Variants in DNAI2 observed in about 807,000 individuals in gnomAD.
The protein encoded by DNAI2 is dynein axonemal intermediate chain 2.
DNAI2 carries 63 observed loss-of-function variants against 74.7 expected under a neutral mutation model. The observed-to-expected ratio is 0.84, with a 90% CI of 0.69 to 1.04. The LOEUF (loss-of-function observed/expected upper bound fraction) is 1.04. Ranked by LOEUF, DNAI2 falls within the 50% of genes least tolerant of loss-of-function variation. The pLI, the probability that DNAI2 is intolerant of heterozygous loss-of-function variation, is 0.00. For synonymous variants in DNAI2, 289 were observed against 314.9 expected (o/e 0.92, Z 0.87); for missense variants, 688 against 803.2 (o/e 0.86, Z 1.73).
At chr17:74,309,109 C>G in intron 9 of DNAI2, 144 bp from the exon 10 acceptor site, 1 of 823,714 alleles carries the variant, frequency 1.2e-6, no homozygotes, top group Admixed American at 2.1e-5. Flanking sequence ...TGAGTGAGGT[C>G]AGCACAGCTA....
At chr17:74,310,749 G>A (rs1191583180) in intron 11 of DNAI2, among the ~76,000 whole-genome samples, 1 of 152,082 alleles carries the variant, frequency 6.6e-6, no homozygotes, top group Admixed American at 6.5e-5. Context: ...ATACTGGCCA[G>A]GCTGGTCTTG....
intron 12 of DNAI2, 49 bp from the exon 13 acceptor site, chr17:74,314,072 G>A: frequency 6.2e-7 from 1 of 1,612,980 alleles, no homozygotes; most frequent in South Asian, 1.1e-5. Context: ...GAGTGGGGAA[G>A]GCCTGTCCCC....
At chr17:74,284,955 C>A (rs945908620) in intron 2 of DNAI2, 85 bp from the exon 3 acceptor site, 1 of 1,580,816 alleles carries the variant, frequency 6.3e-7, no homozygotes, top group African/African-American at 1.3e-5. Context: ...CCCTGGGAGC[C>A]CCCGTGGGAC....
At chr17:74,312,918 T>C (rs1389724988) in intron 12 of DNAI2, among the ~76,000 whole-genome samples, 1 of 152,030 alleles carries the variant, frequency 6.6e-6, no homozygotes, top group East Asian at 1.9e-4. Flanking sequence ...TGCCAAGATA[T>C]GAAAGAGCCA....
intron 3 of DNAI2, among the ~76,000 whole-genome samples, chr17:74,286,115 G>C (rs950479927): frequency 1.3e-5 from 2 of 151,520 alleles, no homozygotes; most frequent in Non-Finnish European, 2.9e-5. Context: ...GGCCAACATA[G>C]CAAAACCCCA....
rs1598293824 is a variant in DNAI2 at position 74,291,209 on chromosome 17, G to A, written c.724+76G>A. The A allele has an allele frequency of 1.1e-5, 14 of 1,248,792 alleles. No homozygotes were observed. The East Asian group carries it at 3.0e-4, about 26-fold the overall frequency. 77.4% of individuals were successfully genotyped at this position (1,248,792 alleles called of 1,614,324 possible). A position where few individuals can be genotyped will look rare whatever the true frequency, so the allele number is the denominator to read the frequency against. On this transcript the variant is annotated intron_variant, in intron 6 of 13. Transcript: ENST00000311014. ...GAATTTTGCTCTTGTTTCCCAGGCT[G>A]GAGTGTAGTGGTGCAATTTTGGCTC...
rs2052733684 is a variant in DNAI2 at position 74,301,066 on chromosome 17, A to G, written c.885A>G (p.Arg295=). 1 of 1,613,910 alleles carries G rather than the reference A, an allele frequency of 6.2e-7. No individual in the cohort carries two copies. Among genetic ancestry groups the G allele is most frequent in the African/African-American group, 1.3e-5 (1 of 74,926 alleles). The change falls in exon 8 of 14, where the codon CGA becomes CGG. Residue 295 remains arginine (R), a synonymous_variant. Transcript: ENST00000311014. ...ACCAGGTCATGTGGTGGGACATCCG[A>G]AAGATGAGCGAGCCCACTGAAGTTG... The part of the protein sequence containing the change: ...TDGQVMWWDI[R]KMSEPTEVVI...
At chr17:74,282,457 C>T (rs1490074544) in intron 2 of DNAI2, among the ~76,000 whole-genome samples, 4 of 152,160 alleles carry the variant, frequency 2.6e-5, no homozygotes, top group African/African-American at 9.7e-5. Context: ...TGCACCACCA[C>T]GCCTGGCTAA....
chr17:74,285,273 C>T lies in DNAI2; in HGVS notation c.345+72C>T, dbSNP rs1040056917. 8.4e-6 allele frequency: 13 copies of T among 1,555,632 alleles called. No individual in the cohort carries two copies. In the African/African-American group the frequency reaches 1.5e-4, roughly 18 times the overall value. On this transcript the variant is annotated intron_variant, in intron 3 of 13. Transcript: ENST00000311014. ...CAGCTCCCCAAGGGATGCACTGCCC[C>T]AGCTGTGCCTGGCCATCGCTGTGAG... is the stretch of plus-strand genomic sequence containing the variant.
At chr17:74,285,419 C>T (rs1443430500) in intron 3 of DNAI2, among the ~76,000 whole-genome samples, 3 of 152,030 alleles carry the variant, frequency 2.0e-5, no homozygotes, top group Non-Finnish European at 2.9e-5. Context: ...AAGGGCTGAC[C>T]AGGCATCAGG....
At position 74,281,893 on chromosome 17, in the gene DNAI2, G is replaced by A. The variant is rs1004416796; in HGVS notation, c.76G>A (p.Glu26Lys). Residue 26 changes from glutamate to lysine, a missense_variant, in exon 2 of 14, where the codon GAG becomes AAG. By Grantham distance (56) the Glu-to-Lys change is moderately conservative. Coordinates refer to ENST00000311014, the MANE Select transcript of DNAI2 (RefSeq NM_023036.6). ...GTGCAATTTCTCGGACCGCCAGGCC[G>A]AGCTGAACATCGACATCATGCCCAA... ...KQCNFSDRQA[E>K]LNIDIMPNPE... is the part of the protein sequence containing the mutation. The A allele has an allele frequency of 3.1e-6, 5 of 1,614,156 alleles. No homozygotes were observed. The highest frequency in any genetic ancestry group is 4.2e-6 in the Non-Finnish European group (5 of 1,180,036).
At chr17:74,292,515 C>T (rs1205283336) in intron 6 of DNAI2, among the ~76,000 whole-genome samples, 6 of 150,440 alleles carry the variant, frequency 4.0e-5, no homozygotes, top group Non-Finnish European at 7.4e-5. Flanking sequence ...CTCCTGGGCC[C>T]GAGCAATTCT....
intron 12 of DNAI2, 76 bp from the exon 13 acceptor site, chr17:74,314,045 G>A: frequency 5.0e-6 from 8 of 1,608,438 alleles, no homozygotes; most frequent in Non-Finnish European, 6.8e-6. Context: ...GGTCCTCGTG[G>A]GGTTCACATC....
chr17:74,310,063 G>A lies in DNAI2; in HGVS notation c.1394G>A (p.Cys465Tyr), dbSNP rs2053424656. 1.2e-6 allele frequency: 2 copies of A among 1,613,974 alleles called. No homozygotes were observed. Among genetic ancestry groups the A allele is most frequent in the African/African-American group, 1.3e-5 (1 of 75,066 alleles). ...TGCCTCCGGGTGCAGGACAATGGGT[G>A]TCTCATCGCCTGCGGCTCCCAGCTG... ...LFCLRVQDNG[C>Y]LIACGSQLGT... Residue 465 changes from cysteine (C) to tyrosine (Y), a missense_variant, in exon 11 of 14, where the codon TGT (cysteine) becomes TAT (tyrosine). Physicochemically the swap from Cys to Tyr is radical, Grantham distance 194. Coordinates refer to ENST00000311014, the MANE Select transcript of DNAI2 (RefSeq NM_023036.6).
chr17:74,280,655 G>T lies in DNAI2; in HGVS notation c.-11-1152G>T, dbSNP rs901265282. 2.6e-5 allele frequency among the ~76,000 whole-genome samples: 4 copies of T among 152,306 alleles called. No individual in the cohort carries two copies. In the East Asian group the frequency reaches 7.7e-4, roughly 29 times the overall value. Reference sequence around the variant, plus strand: ...TGGGGAGTTGGGTCATTGGGTTGGAGAGGAGGGGTTCAAGAAGAGGCCCAG... The same window carrying T: ...TGGGGAGTTGGGTCATTGGGTTGGATAGGAGGGGTTCAAGAAGAGGCCCAG... On this transcript the variant is annotated intron_variant, in intron 1 of 13. Transcript: ENST00000311014.
chr17:74,298,761 C>A (rs12948999), intron 6 of DNAI2, among the ~76,000 whole-genome samples: 50,753 of 151,716 alleles, frequency 0.33, 9,124 homozygotes, highest in Non-Finnish European at 0.43. Context: ...AACAGCCTCC[C>A]GAGTAGCATG....
intron 3 of DNAI2, among the ~76,000 whole-genome samples, chr17:74,286,155 G>A (rs1042395577): frequency 5.3e-5 from 8 of 151,420 alleles, no homozygotes; most frequent in Non-Finnish European, 1.0e-4. Context: ...AATTAGCCAG[G>A]TGTGGTGGCA....
rs778114743 is a variant in DNAI2, at chr17:74,285,108, C to T, written c.252C>T (p.Asp84=). 1.1e-5 allele frequency: 18 copies of T among 1,614,212 alleles called. No individual in the cohort carries two copies. Among genetic ancestry groups the T allele is most frequent in the South Asian group, 2.2e-5 (2 of 91,090 alleles). ...VNHVEGGWPK[D]VNPLELEQTI... is the part of the protein sequence containing the mutation. ...ATGTCGAGGGGGGCTGGCCCAAGGA[C>T]GTGAACCCCCTGGAGCTGGAGCAGA... The change falls in exon 3 of 14, where the codon GAC becomes GAT. Residue 84 remains aspartate (D), a synonymous_variant. Coordinates refer to ENST00000311014, the MANE Select transcript of DNAI2 (RefSeq NM_023036.6).
chr17:74,274,562 G>A (rs959560267), intron 1 of DNAI2, among the ~76,000 whole-genome samples: 16 of 152,116 alleles, frequency 1.1e-4, no homozygotes, highest in African/African-American at 3.6e-4. Context: ...CCAAGTCGCA[G>A]GACCCTGCAG....
Sources: allele counts gnomAD v4.1 joint callset (sites outside exome capture counted in the v4.1 genomes callset), GRCh38; gene constraint gnomAD v4.1.1; transcripts MANE v1.5; gene names NCBI Gene and HGNC (gene_info 2026-07-23, HGNC 2026-07-21).